Variants in UBAP2 observed in about 807,000 individuals in gnomAD.
UBAP2 encodes the protein ubiquitin associated protein 2, also known as ubiquitin-associated protein 2.
Under a neutral mutation model 139.6 loss-of-function variants are expected in UBAP2, and 75 were observed. The ratio of observed to expected loss-of-function variants is 0.54; its 90% CI spans 0.45 to 0.65. The LOEUF (loss-of-function observed/expected upper bound fraction) is 0.65, where lower values mean the gene tolerates loss of function less well. Among genes scored for constraint, UBAP2 ranks in the 30% least tolerant of loss-of-function variants. The pLI is 0.00. For synonymous variants in UBAP2, 526 were observed against 526.2 expected (o/e 1.00, Z 0.01); for missense variants, 1,368 against 1,369.6 (o/e 1.00, Z 0.02).
At chr9:33,932,720 TATC>T (rs968615305) in intron 18 of UBAP2, 92 bp from the exon 19 acceptor site, 18 of 1,346,934 alleles carry the variant, frequency 1.3e-5, no homozygotes, top group Non-Finnish European at 1.8e-5. Flanking sequence ...GATTCAAACT[TATC>T]ATAGTCCCTA....
chr9:33,937,954 C>T (rs1165924444), intron 16 of UBAP2, among the ~76,000 whole-genome samples: 1 of 151,982 alleles, frequency 6.6e-6, no homozygotes, highest in African/African-American at 2.4e-5. Context: ...CACTACATTA[C>T]ACACAACTAC....
intron 1 of UBAP2, among the ~76,000 whole-genome samples, chr9:34,038,980 T>C (rs1196558857): frequency 6.7e-6 from 1 of 149,800 alleles, no homozygotes; most frequent in Non-Finnish European, 1.5e-5. Flanking sequence ...CGACCCCGTC[T>C]GGGAGTTGAG....
At chr9:33,969,873 C>G (rs767395838) in intron 8 of UBAP2, among the ~76,000 whole-genome samples, 1 of 149,602 alleles carries the variant, frequency 6.7e-6, no homozygotes, top group Non-Finnish European at 1.5e-5. Flanking sequence ...AACACCCCCC[C>G]ACCCCCAAAA....
Position 33,927,926 on chromosome 9 carries a change from C to A in UBAP2, c.2242G>T (p.Val748Phe). ...SATFSTAATS[V>F]SSSASSGASL... ...GCGCCTGAGGATGCGGAACTTGAGA[C>A]GGAGGTCGCTGCCGTGGAGAAGGTG... Residue 748 changes from valine to phenylalanine, a missense_variant, in exon 20 of 29, where the codon GTC becomes TTC. Transcript: ENST00000379238. The A allele has an allele frequency of 1.2e-6, 2 of 1,614,202 alleles. No individual in the cohort carries two copies. Among genetic ancestry groups the A allele is most frequent in the Non-Finnish European group, 1.7e-6 (2 of 1,180,036 alleles).
At chr9:34,010,888 T>C (rs2131250514) in intron 2 of UBAP2, among the ~76,000 whole-genome samples, 1 of 152,238 alleles carries the variant, frequency 6.6e-6, no homozygotes, top group East Asian at 1.9e-4. Context: ...TGCAGATATG[T>C]CAGAGTAGAA....
At chr9:33,933,739 G>A (rs1022322287) in intron 17 of UBAP2, 111 bp from the exon 18 acceptor site, 26 of 1,450,822 alleles carry the variant, frequency 1.8e-5, no homozygotes, top group African/African-American at 1.4e-4. Context: ...CAGTTGAGAC[G>A]TCCATAAAGT....
chr9:34,036,407 G>A (rs978315248), intron 1 of UBAP2, among the ~76,000 whole-genome samples: 3 of 152,178 alleles, frequency 2.0e-5, no homozygotes, highest in East Asian at 1.9e-4. Context: ...GTGAGCCACC[G>A]TGCCCAGCCT....
At chr9:33,936,096 C>A (rs1020790082) in intron 16 of UBAP2, among the ~76,000 whole-genome samples, 1 of 152,102 alleles carries the variant, frequency 6.6e-6, no homozygotes, top group South Asian at 2.1e-4. Context: ...TGATCCTCCC[C>A]CTTAGCCTGC....
intron 10 of UBAP2, among the ~76,000 whole-genome samples, chr9:33,958,708 T>TTTTC (rs1826775471): frequency 7.3e-6 from 1 of 136,730 alleles, no homozygotes; most frequent in Non-Finnish European, 1.6e-5. Context: ...TGCCCGGCCT[T>TTTTC]TTTTTTTTTT....
intron 2 of UBAP2, among the ~76,000 whole-genome samples, chr9:34,010,600 A>C (rs1249652482): frequency 1.3e-5 from 2 of 152,110 alleles, no homozygotes; most frequent in Non-Finnish European, 2.9e-5. Context: ...ATAGAGCAAA[A>C]AGGTAATAGA....
Position 33,962,676 on chromosome 9 carries a change from A to AATTAATTAAT in UBAP2, c.745+1049_745+1050insATTAATTAAT, listed in dbSNP as rs1564032675. ...AATAAATAAATAAATAAATAAATAA[A>AATTAATTAAT]TAAATAATTAAAAAATAGGGCCTGG... On this transcript the variant is annotated intron_variant, in intron 9 of 28. Coordinates refer to ENST00000379238, the MANE Select transcript of UBAP2 (RefSeq NM_001370062.2). 9.4e-5 allele frequency among the ~76,000 whole-genome samples: 10 copies of AATTAATTAAT among 106,716 alleles called. No individual in the cohort carries two copies. In the South Asian group the frequency reaches 2.8e-3, roughly 29 times the overall value. 70.0% of individuals were successfully genotyped at this position (106,716 alleles called of 152,430 possible).
intron 2 of UBAP2, among the ~76,000 whole-genome samples, chr9:34,016,701 G>A (rs1307125268): frequency 2.6e-5 from 4 of 151,240 alleles, no homozygotes; most frequent in Admixed American, 1.3e-4. Flanking sequence ...GATTACAGGC[G>A]CACACCACCA....
chr9:33,997,372 A>C (rs187571452), intron 3 of UBAP2: 6 of 152,310 alleles, frequency 3.9e-5, no homozygotes, highest in African/African-American at 1.4e-4. Context: ...TACTAGCTGA[A>C]GTTCAAAACA....
intron 2 of UBAP2, among the ~76,000 whole-genome samples, chr9:34,011,292 A>G (rs1338015457): frequency 6.6e-6 from 1 of 152,192 alleles, no homozygotes; most frequent in African/African-American, 2.4e-5. Context: ...GTAAATGCCA[A>G]TGACTGATTT....
At chr9:34,008,915 A>C (rs1296560615) in intron 2 of UBAP2, among the ~76,000 whole-genome samples, 3 of 140,928 alleles carry the variant, frequency 2.1e-5, no homozygotes, top group African/African-American at 8.0e-5. Context: ...CAGTGAGCCA[A>C]GGTCACGCCA....
At chr9:34,037,032 G>A (rs945741328) in intron 1 of UBAP2, among the ~76,000 whole-genome samples, 8 of 139,716 alleles carry the variant, frequency 5.7e-5, no homozygotes, top group Non-Finnish European at 1.1e-4. Flanking sequence ...TCTATCACCC[G>A]GGCTGGAGTG....
chr9:33,931,445 G>A (rs1230272080), intron 19 of UBAP2, among the ~76,000 whole-genome samples: 1 of 152,118 alleles, frequency 6.6e-6, no homozygotes, highest in East Asian at 1.9e-4. Flanking sequence ...AGCTCCCCAT[G>A]AGTGCAGGAG....
At chr9:33,927,222 A>G (rs1189804445) in intron 20 of UBAP2, 142 bp from the exon 21 acceptor site, 5 of 636,472 alleles carry the variant, frequency 7.9e-6, no homozygotes, top group Non-Finnish European at 1.1e-5. Context: ...GCAGAGGGTC[A>G]TTCTACAAAG....
At position 34,038,435 on chromosome 9, in the gene UBAP2, G is replaced by A. The variant is rs1330762470; in HGVS notation, c.-42+10390C>T. Among the ~76,000 whole-genome samples the A allele has an allele frequency of 4.6e-5, 7 of 152,310 alleles. No individual in the cohort carries two copies. In the East Asian group the frequency reaches 5.8e-4, roughly 13 times the overall value. ...GTGCCTGCGATTGCAGGCGCGCGCCGCCACACCTGACTGGTTTTCGTATTT... is the reference window on the plus strand; with the variant it reads ...GTGCCTGCGATTGCAGGCGCGCGCCACCACACCTGACTGGTTTTCGTATTT... On this transcript the variant is annotated intron_variant, in intron 1 of 28. Coordinates refer to ENST00000379238, the MANE Select transcript of UBAP2 (RefSeq NM_001370062.2).
Sources: allele counts gnomAD v4.1 joint callset (sites outside exome capture counted in the v4.1 genomes callset), GRCh38; gene constraint gnomAD v4.1.1; transcripts MANE v1.5; gene names NCBI Gene and HGNC (gene_info 2026-07-23, HGNC 2026-07-21).